Variants in TMEM123 observed in about 807,000 individuals in gnomAD.
TMEM123 encodes porimin.
Under a neutral mutation model 19.7 loss-of-function variants are expected in TMEM123, and 16 were observed. That is an observed-to-expected ratio of 0.81 (90% CI 0.55 to 1.23). The LOEUF is 1.23. TMEM123 is among the 50% of genes most tolerant of loss of function. The pLI is 0.00. For synonymous variants in TMEM123, 118 were observed against 99.4 expected, an observed-to-expected ratio of 1.19 and a Z score of -1.12; for missense variants, 313 against 257.8, an observed-to-expected ratio of 1.21 and a Z score of -1.47.
At chr11:102,406,514 G>C (rs1158590685) in intron 2 of TMEM123, among the ~76,000 whole-genome samples, 8 of 152,074 alleles carry the variant, frequency 5.3e-5, no homozygotes, top group Admixed American at 2.6e-4. Flanking sequence ...AACAGCAAAG[G>C]TTCTTGTTTC....
intron 2 of TMEM123, among the ~76,000 whole-genome samples, chr11:102,416,328 T>C (rs1952044006): frequency 6.6e-6 from 1 of 152,066 alleles, no homozygotes; most frequent in Non-Finnish European, 1.5e-5. Context: ...AAGGAAACAT[T>C]ACCACCAACC....
chr11:102,428,695 A>C (rs1171151893), intron 2 of TMEM123, among the ~76,000 whole-genome samples: 1 of 152,166 alleles, frequency 6.6e-6, no homozygotes, highest in African/African-American at 2.4e-5. Context: ...CATCTGGACA[A>C]TTACTTTATA....
At chr11:102,404,286 T>G (rs185842647) in intron 2 of TMEM123, among the ~76,000 whole-genome samples, 3 of 152,266 alleles carry the variant, frequency 2.0e-5, no homozygotes, top group Admixed American at 1.3e-4. Flanking sequence ...TGATATTTAT[T>G]TATTTATTTA....
chr11:102,407,533 T>G (rs1951966355), intron 2 of TMEM123, among the ~76,000 whole-genome samples: 1 of 152,198 alleles, frequency 6.6e-6, no homozygotes, highest in Non-Finnish European at 1.5e-5. Context: ...TGTGACCTTA[T>G]TTGGAGAGAG....
chr11:102,405,823 T>C (rs563579063), intron 2 of TMEM123, among the ~76,000 whole-genome samples: 2 of 152,330 alleles, frequency 1.3e-5, no homozygotes, highest in Admixed American at 6.5e-5. Flanking sequence ...ACAAAAAATT[T>C]TGTCAATTTC....
rs1565345213 is a variant in TMEM123 at position 102,397,554 on chromosome 11, C to T, written c.*1313G>A. Reference sequence around the variant, plus strand: ...TCTACAATACTGTGCTTTTTCTCTCCATTAACATAATGCATCTGAGAGTAC... The same window carrying T: ...TCTACAATACTGTGCTTTTTCTCTCTATTAACATAATGCATCTGAGAGTAC... On this transcript the variant is annotated 3_prime_UTR_variant, in exon 5 of 5. Transcript: ENST00000398136. The T allele has an allele frequency of 6.6e-6, 1 of 152,136 alleles. No individual in the cohort carries two copies. Among genetic ancestry groups the T allele is most frequent in the Non-Finnish European group, 1.5e-5 (1 of 68,012 alleles). The allele number at this position is 152,136 out of a possible 1,614,324, so 9.4% of individuals were successfully genotyped here. A position where few individuals can be genotyped will look rare whatever the true frequency, so the allele number is the denominator to read the frequency against.
intron 2 of TMEM123, among the ~76,000 whole-genome samples, chr11:102,408,585 CTG>C (rs1229172759): frequency 1.3e-5 from 2 of 152,200 alleles, no homozygotes; most frequent in African/African-American, 4.8e-5. Flanking sequence ...CTGATATAAT[CTG>C]TGTTAAGTAC....
chr11:102,409,487 C>A (rs1477057361), intron 2 of TMEM123, among the ~76,000 whole-genome samples: 1 of 151,966 alleles, frequency 6.6e-6, no homozygotes, highest in African/African-American at 2.4e-5. Context: ...CAGATTCATT[C>A]TAAACATTCT....
intron 2 of TMEM123, among the ~76,000 whole-genome samples, chr11:102,438,033 T>C (rs947433957): frequency 3.9e-5 from 6 of 152,122 alleles, no homozygotes; most frequent in Non-Finnish European, 4.4e-5. Context: ...TGGAGGCAGA[T>C]AGGTGTTTTA....
chr11:102,448,855 T>C lies in TMEM123; in HGVS notation c.114A>G (p.Ile38Met). The C allele has an allele frequency of 6.2e-7, 1 of 1,613,782 alleles. No individual in the cohort carries two copies. Among genetic ancestry groups the C allele is most frequent in the Non-Finnish European group, 8.5e-7 (1 of 1,179,752 alleles). ...ESAAMAASAN[I>M]ENSGLPHNSS... ...AGTTGTGTGGAAGCCCAGAATTCTC[T>C]ATGTTTGCAGATGCTGTAAAAATAA... Residue 38 changes from isoleucine to methionine, a missense_variant, in exon 2 of 5, where the codon ATA becomes ATG. By Grantham distance (10) the Ile-to-Met change is conservative (BLOSUM62 1). Coordinates refer to ENST00000398136, the MANE Select transcript of TMEM123 (RefSeq NM_052932.3).
At chr11:102,451,198 TCA>T (rs1197752239) in intron 1 of TMEM123, 4 of 152,376 alleles carry the variant, frequency 2.6e-5, no homozygotes, top group South Asian at 2.1e-4. Flanking sequence ...GCATGGTCAC[TCA>T]CAGTTTCTCT....
intron 2 of TMEM123, among the ~76,000 whole-genome samples, chr11:102,440,725 A>C (rs1840041740): frequency 6.6e-6 from 1 of 152,232 alleles, no homozygotes; most frequent in African/African-American, 2.4e-5. Context: ...AAATGGGGTA[A>C]ATGCTCCAAT....
chr11:102,445,078 C>T lies in TMEM123; in HGVS notation c.157+3734G>A, dbSNP rs13377309. Among the ~76,000 whole-genome samples the T allele has an allele frequency of 9.0e-3, 1,363 of 151,616 alleles. 21 individuals carry two copies. The highest frequency in any genetic ancestry group is 0.031 in the African/African-American group (1,281 of 41,274). On this transcript the variant is annotated intron_variant, in intron 2 of 4. Coordinates refer to ENST00000398136, the MANE Select transcript of TMEM123 (RefSeq NM_052932.3). The stretch of plus-strand genomic sequence containing the variant: ...GAGATAATACCTAATGTAAATGATG[C>T]GTTAATGGGTGTAGCACACCAACAT...
At chr11:102,441,027 C>T (rs998614091) in intron 2 of TMEM123, among the ~76,000 whole-genome samples, 2 of 152,182 alleles carry the variant, frequency 1.3e-5, no homozygotes, top group Admixed American at 1.3e-4. Flanking sequence ...AATACAGGAG[C>T]ACCCAGATCC....
In TMEM123 at chr11:102,426,993, C is replaced by T. The variant is rs994829749; in HGVS notation, c.157+21819G>A. On this transcript the variant is annotated intron_variant, in intron 2 of 4. Transcript: ENST00000398136. The stretch of plus-strand genomic sequence containing the variant: ...TATTGCCAAACCAAATTGAAGTTTT[C>T]TAACTATAAATGTATTACTGTCTAT... Among the ~76,000 whole-genome samples the T allele has an allele frequency of 8.0e-5, 12 of 149,940 alleles. 1 individual carries two copies. The highest frequency in any genetic ancestry group is 2.7e-4 in the Admixed American group (4 of 14,932).
At chr11:102,449,930 A>G (rs1408252529) in intron 1 of TMEM123, among the ~76,000 whole-genome samples, 1 of 152,218 alleles carries the variant, frequency 6.6e-6, no homozygotes, top group Non-Finnish European at 1.5e-5. Context: ...TTGATTCCTA[A>G]GCCTGCAGAT....
At chr11:102,438,351 T>G (rs1000569911) in intron 2 of TMEM123, among the ~76,000 whole-genome samples, 3 of 152,118 alleles carry the variant, frequency 2.0e-5, no homozygotes, top group African/African-American at 7.2e-5. Flanking sequence ...CGTGCCCAGT[T>G]TATTTATTTT....
chr11:102,440,674 G>A (rs1014003069), intron 2 of TMEM123, among the ~76,000 whole-genome samples: 2 of 152,182 alleles, frequency 1.3e-5, no homozygotes, highest in Admixed American at 6.5e-5. Context: ...ACATCATAAT[G>A]ACAGGATCAA....
intron 2 of TMEM123, among the ~76,000 whole-genome samples, chr11:102,403,565 A>G (rs1479192008): frequency 6.6e-6 from 1 of 152,090 alleles, no homozygotes; most frequent in East Asian, 1.9e-4. Context: ...TTCTGTATTC[A>G]TTTCCTGTCT....
Sources: gnomAD v4.1 joint callset for allele counts (sites outside exome capture counted in the v4.1 genomes callset) on GRCh38, gnomAD v4.1.1 for gene constraint, MANE v1.5 for transcripts, NCBI Gene and HGNC (gene_info 2026-07-23, HGNC 2026-07-21) for gene names.